GNB1L: variants seen among roughly 807,000 people sequenced by gnomAD.
GNB1L encodes the protein G protein subunit beta 1 like.
A neutral mutation model predicts 29.1 loss-of-function variants in GNB1L; 20 were observed. That is an observed-to-expected ratio of 0.69 (90% CI 0.48 to 1.00). The LOEUF is 1.00. Among genes scored for constraint, GNB1L ranks in the 50% least tolerant of loss-of-function variants. GNB1L has a pLI of 0.00. For missense variants in GNB1L, 421 were observed against 464.9 expected, an observed-to-expected ratio of 0.91 and a Z score of 0.87; for synonymous variants, 193 against 206.5, an observed-to-expected ratio of 0.93 and a Z score of 0.56.
chr22:19,836,880 T>A lies in GNB1L; in HGVS notation c.-20-15505A>T, dbSNP rs192095403. On this transcript the variant is annotated intron_variant, in intron 2 of 7. Coordinates refer to ENST00000329517, the MANE Select transcript of GNB1L (RefSeq NM_053004.3). The stretch of plus-strand genomic sequence containing the variant: ...GAATTCAACATCCATTCATGATTTT[T>A]AAAAAAACCCTCAGAAAGCATAATC... 2.3e-4 allele frequency among the ~76,000 whole-genome samples: 35 copies of A among 151,900 alleles called. 1 individual carries two copies. The East Asian group carries it at 4.8e-3, about 21-fold the overall frequency.
rs138724813 is a variant in GNB1L, at chr22:19,854,084, G to A, written c.-21+359C>T. On this transcript the variant is annotated intron_variant, in intron 2 of 7. Transcript: ENST00000329517. ...TGGGCCTGAGCCTTCCTAACCCTGG[G>A]CCGCACTCTCACCATTTTGAGAACC... Among the ~76,000 whole-genome samples the A allele has an allele frequency of 3.3e-3, 500 of 152,296 alleles. 2 individuals carry two copies. The highest frequency in any genetic ancestry group is 0.011 in the African/African-American group (467 of 41,558).
rs753665407 is a variant in GNB1L, at chr22:19,788,860, C to T, written c.833G>A (p.Arg278His). Residue 278 changes from arginine to histidine, a missense_variant, in exon 8 of 8, where the codon CGC becomes CAC. Coordinates refer to ENST00000329517, the MANE Select transcript of GNB1L (RefSeq NM_053004.3). ...LATAGWDHRIRVFHWRTMQPL... is the reference protein window; with the variant it reads ...LATAGWDHRIHVFHWRTMQPL... ...CTGCATCGTCCGCCAGTGGAACACGCGGATGCGGTGGTCCCAGCCTGCGGT... is the reference window on the plus strand; with the variant it reads ...CTGCATCGTCCGCCAGTGGAACACGTGGATGCGGTGGTCCCAGCCTGCGGT... 3.1e-6 allele frequency: 5 copies of T among 1,612,710 alleles called. No homozygotes were observed. The highest frequency in any genetic ancestry group is 2.2e-5 in the East Asian group (1 of 44,888).
At chr22:19,830,623 T>C (rs182302485) in intron 2 of GNB1L, among the ~76,000 whole-genome samples, 31 of 152,324 alleles carry the variant, frequency 2.0e-4, no homozygotes, top group African/African-American at 6.3e-4. Context: ...CTCCCCAAAT[T>C]AATTTATAAA....
chr22:19,852,144 T>C (rs746080907), intron 2 of GNB1L: 1 of 1,613,834 alleles, frequency 6.2e-7, no homozygotes, highest in East Asian at 2.2e-5. Flanking sequence ...ACAAGGGGGG[T>C]GTATGCCACC....
chr22:19,812,129 C>A (rs933897667), intron 5 of GNB1L, among the ~76,000 whole-genome samples, 156 bp downstream of exon 5: 2 of 152,272 alleles, frequency 1.3e-5, no homozygotes, highest in Admixed American at 6.5e-5. Context: ...CAGGCCCAGG[C>A]CTAGCCGGCT....
Position 19,788,552 on chromosome 22 carries a change from A to AAGGAAATAC in GNB1L, c.*148_*156dup. 3.0e-6 allele frequency: 3 copies of AAGGAAATAC among 993,052 alleles called. No individual in the cohort carries two copies. The Admixed American group carries it at 5.2e-5, about 17-fold the overall frequency. 61.5% of individuals were successfully genotyped at this position (993,052 alleles called of 1,614,324 possible). ...CGTCCTGTGATGAGGCACTCCACAA[A>AAGGAAATAC]AGGAAATACCAACCTCATGAAGACA... On this transcript the variant is annotated 3_prime_UTR_variant, in exon 8 of 8. Transcript: ENST00000329517.
At chr22:19,838,624 C>T (rs375249761) in intron 2 of GNB1L, among the ~76,000 whole-genome samples, 6 of 152,048 alleles carry the variant, frequency 3.9e-5, no homozygotes, top group Admixed American at 1.3e-4. Context: ...CGCCTGCCAC[C>T]GCGCCCGGCT....
At chr22:19,802,973 C>T (rs938628896) in intron 6 of GNB1L, among the ~76,000 whole-genome samples, 1 of 152,176 alleles carries the variant, frequency 6.6e-6, no homozygotes, top group Non-Finnish European at 1.5e-5. Context: ...GAATGACAGC[C>T]CAGAGAAACC....
chr22:19,852,136 A>G (rs1938120639), intron 2 of GNB1L: 1 of 1,614,168 alleles, frequency 6.2e-7, no homozygotes, highest in South Asian at 1.1e-5. Context: ...AGGGATCCAC[A>G]AGGGGGGTGT....
chr22:19,813,558 C>T (rs776161181), intron 4 of GNB1L, among the ~76,000 whole-genome samples: 1 of 152,170 alleles, frequency 6.6e-6, no homozygotes, highest in South Asian at 2.1e-4. Flanking sequence ...TGTGGTGGCA[C>T]GTGCCTGTAA....
intron 6 of GNB1L, among the ~76,000 whole-genome samples, chr22:19,802,619 G>A (rs1937387692): frequency 6.6e-6 from 1 of 152,236 alleles, no homozygotes; most frequent in Admixed American, 6.5e-5. Flanking sequence ...CTTCTCCCAT[G>A]CACAGGGACC....
chr22:19,835,514 A>T (rs550209386), intron 2 of GNB1L, among the ~76,000 whole-genome samples: 141 of 152,144 alleles, frequency 9.3e-4, no homozygotes, highest in African/African-American at 3.3e-3. Flanking sequence ...CCCACCTAAA[A>T]ATACAAAAAA....
chr22:19,842,035 C>G (rs532063578), intron 2 of GNB1L, among the ~76,000 whole-genome samples: 1 of 152,352 alleles, frequency 6.6e-6, no homozygotes, highest in South Asian at 2.1e-4. Context: ...CTCCCACCTC[C>G]TGCTCATCAG....
At chr22:19,792,511 G>A (rs1601318146) in intron 7 of GNB1L, 15 of 1,542,182 alleles carry the variant, frequency 9.7e-6, no homozygotes, top group Admixed American at 3.3e-5. Flanking sequence ...CTCTATAAGC[G>A]GCTGAAAGTG....
At chr22:19,837,485 C>T (rs1010196424) in intron 2 of GNB1L, among the ~76,000 whole-genome samples, 1 of 152,162 alleles carries the variant, frequency 6.6e-6, no homozygotes, top group Admixed American at 6.5e-5. Context: ...GACATGAAAA[C>T]ATACTCAACA....
At chr22:19,825,361 T>C (rs1284944061) in intron 2 of GNB1L, among the ~76,000 whole-genome samples, 1 of 152,230 alleles carries the variant, frequency 6.6e-6, no homozygotes, top group Non-Finnish European at 1.5e-5. Context: ...GGCTCATGCC[T>C]ATAATCTCAG....
chr22:19,849,256 G>A, intron 2 of GNB1L: 2 of 984,832 alleles, frequency 2.0e-6, no homozygotes, highest in Non-Finnish European at 2.4e-6. Flanking sequence ...AGGTATCTGT[G>A]CCCTGAAATA....
intron 7 of GNB1L, among the ~76,000 whole-genome samples, chr22:19,797,167 C>T (rs1937315746): frequency 6.6e-6 from 1 of 152,158 alleles, no homozygotes; most frequent in Non-Finnish European, 1.5e-5. Context: ...CCCCCCACCT[C>T]CACCGCCCAA....
chr22:19,826,498 A>T (rs1937620587), intron 2 of GNB1L, among the ~76,000 whole-genome samples: 1 of 152,248 alleles, frequency 6.6e-6, no homozygotes, highest in Non-Finnish European at 1.5e-5. Context: ...GCACTCGGGT[A>T]TATAAGGCAA....
Sources: gnomAD v4.1 joint callset for allele counts (sites outside exome capture counted in the v4.1 genomes callset) on GRCh38, gnomAD v4.1.1 for gene constraint, MANE v1.5 for transcripts, NCBI Gene and HGNC (gene_info 2026-07-23, HGNC 2026-07-21) for gene names.